The following FEZ2 variants were observed in gnomAD, a reference collection of about 807,000 sequenced individuals.
The protein encoded by FEZ2 is fasciculation and elongation protein zeta 2, also known as fasciculation and elongation protein zeta-2.
A neutral mutation model predicts 40.4 loss-of-function variants in FEZ2; 51 were observed. The observed-to-expected ratio is 1.26, with a 90% CI of 1.01 to 1.59. FEZ2 has a LOEUF of 1.59. Ranked by LOEUF, FEZ2 falls within the 40% of genes most tolerant of loss-of-function variation. The probability of loss-of-function intolerance (pLI) is 0.00; values close to 1 mark genes in which losing one functional copy is unlikely to be tolerated. For missense variants in FEZ2, 640 were observed against 438.3 expected (o/e 1.46, Z -4.11); for synonymous variants, 242 against 172.0 (o/e 1.41, Z -3.18).
At chr2:36,578,079 G>T (rs930667723) in intron 5 of FEZ2, among the ~76,000 whole-genome samples, 15 of 152,300 alleles carry the variant, frequency 9.8e-5, no homozygotes, top group African/African-American at 1.7e-4. Context: ...AGGCCACATG[G>T]CTGATGTCAC....
At chr2:36,557,374 T>C (rs1170804950) in intron 6 of FEZ2, 2 of 152,188 alleles carry the variant, frequency 1.3e-5, no homozygotes, top group African/African-American at 2.4e-5. Context: ...ATAAAATTTT[T>C]AAAGAATTAT....
At chr2:36,576,677 C>G (rs1453920093) in intron 5 of FEZ2, among the ~76,000 whole-genome samples, 4 of 152,212 alleles carry the variant, frequency 2.6e-5, no homozygotes, top group Admixed American at 2.0e-4. Flanking sequence ...AGGCAAAATG[C>G]AACTTCAAAA....
chr2:36,556,017 A>G, intron 6 of FEZ2: 1 of 582,018 alleles, frequency 1.7e-6, no homozygotes, highest in Non-Finnish European at 3.3e-6. Flanking sequence ...CAAACAGTGG[A>G]GACAAAAAAA....
intron 2 of FEZ2, among the ~76,000 whole-genome samples, chr2:36,588,672 T>C (rs984862750): frequency 1.1e-4 from 16 of 152,166 alleles, no homozygotes; most frequent in African/African-American, 3.9e-4. Flanking sequence ...TTTATAGTTA[T>C]ATTGTATATA....
chr2:36,560,827 A>T, intron 5 of FEZ2: 2 of 1,611,878 alleles, frequency 1.2e-6, no homozygotes, highest in Non-Finnish European at 1.7e-6. Context: ...GGCGGAGGCC[A>T]TTCTGAATGA....
Position 36,590,774 on chromosome 2 carries a change from C to A in FEZ2, c.375+129G>T, listed in dbSNP as rs1176197351. The A allele has an allele frequency of 4.7e-6, 3 of 643,212 alleles. No homozygotes were observed. The Admixed American group carries it at 7.7e-5, about 17-fold the overall frequency. The allele number at this position is 643,212 out of a possible 1,614,324, so 39.8% of individuals were successfully genotyped here. ...TACAGCCAAGACATCAAGACAGAGC[C>A]ACCCAAACTGCTATAATTTCAGAAA... On this transcript the variant is annotated intron_variant, in intron 2 of 7. Coordinates refer to ENST00000405912, the MANE Select transcript of FEZ2 (RefSeq NM_005102.3).
At chr2:36,556,200 T>A in intron 6 of FEZ2, 1 of 308,290 alleles carries the variant, frequency 3.2e-6, no homozygotes, top group South Asian at 3.1e-5. Flanking sequence ...AACAAGCGTA[T>A]CCTGTCAGAC....
At chr2:36,574,510 A>G (rs549054575) in intron 5 of FEZ2, among the ~76,000 whole-genome samples, 6 of 152,320 alleles carry the variant, frequency 3.9e-5, no homozygotes, top group Admixed American at 3.9e-4. Flanking sequence ...TACAACAGTG[A>G]TAATAGAAAT....
intron 2 of FEZ2, among the ~76,000 whole-genome samples, chr2:36,588,979 G>A (rs1317232723): frequency 6.6e-6 from 1 of 152,098 alleles, no homozygotes; most frequent in Admixed American, 6.6e-5. Context: ...AGTACCCATG[G>A]ACTGGTTTTG....
intron 1 of FEZ2, among the ~76,000 whole-genome samples, chr2:36,594,985 T>G (rs1338706407): frequency 2.0e-5 from 3 of 152,214 alleles, no homozygotes; most frequent in Admixed American, 6.5e-5. Context: ...TCAAGACATA[T>G]GAACTGCCTT....
At chr2:36,585,746 T>G (rs185485323) in intron 2 of FEZ2, among the ~76,000 whole-genome samples, 167 of 152,296 alleles carry the variant, frequency 1.1e-3, no homozygotes, top group African/African-American at 3.5e-3. Flanking sequence ...GAAGATTAAT[T>G]CAACCCCAGA....
intron 3 of FEZ2, among the ~76,000 whole-genome samples, chr2:36,582,611 A>G (rs1032473201): frequency 6.6e-6 from 1 of 152,208 alleles, no homozygotes; most frequent in Non-Finnish European, 1.5e-5. Flanking sequence ...CCACGCCTAG[A>G]ACAATTCAAC....
chr2:36,562,296 T>C (rs1668114927), intron 5 of FEZ2, among the ~76,000 whole-genome samples: 2 of 152,362 alleles, frequency 1.3e-5, no homozygotes, highest in Admixed American at 1.3e-4. Context: ...ACATGGCTAA[T>C]ATTAAGTTTC....
At chr2:36,587,919 T>C (rs1245688402) in intron 2 of FEZ2, among the ~76,000 whole-genome samples, 1 of 152,162 alleles carries the variant, frequency 6.6e-6, no homozygotes, top group East Asian at 1.9e-4. Context: ...AGAAACAGAG[T>C]TCTGATTTCA....
intron 6 of FEZ2, chr2:36,556,153 A>C: frequency 2.5e-6 from 1 of 406,048 alleles, no homozygotes; most frequent in South Asian, 1.9e-5. Flanking sequence ...CAAGCAAACT[A>C]GAGAAACTCT....
intron 2 of FEZ2, among the ~76,000 whole-genome samples, chr2:36,588,085 G>C (rs970348110): frequency 2.0e-5 from 3 of 151,990 alleles, no homozygotes; most frequent in Non-Finnish European, 4.4e-5. Context: ...CTGGAGTGCA[G>C]TGGCGTGATC....
At chr2:36,577,401 G>A (rs1459240062) in intron 5 of FEZ2, among the ~76,000 whole-genome samples, 1 of 152,056 alleles carries the variant, frequency 6.6e-6, no homozygotes, top group Non-Finnish European at 1.5e-5. Flanking sequence ...GGAATTACAG[G>A]CATGCAGCAC....
chr2:36,583,156 C>A (rs1167077600), intron 3 of FEZ2, among the ~76,000 whole-genome samples, 197 bp downstream of exon 3: 2 of 152,144 alleles, frequency 1.3e-5, no homozygotes, highest in African/African-American at 4.8e-5. Context: ...GAAACCTTCC[C>A]AACTAACATA....
chr2:36,579,057 G>C (rs998445834), intron 4 of FEZ2, 192 bp from the exon 5 acceptor site: 4 of 548,260 alleles, frequency 7.3e-6, no homozygotes, highest in African/African-American at 5.7e-5. Context: ...GATCAGATCT[G>C]AGTAGAGGTA....
Sources: allele counts gnomAD v4.1 joint callset (sites outside exome capture counted in the v4.1 genomes callset), GRCh38; gene constraint gnomAD v4.1.1; transcripts MANE v1.5; gene names NCBI Gene and HGNC (gene_info 2026-07-23, HGNC 2026-07-21).